Variants in RXRG observed in about 807,000 individuals in gnomAD.
RXRG encodes the protein retinoic acid receptor RXR-gamma.
In RXRG, 19 loss-of-function variants were observed where a neutral mutation model predicts 49.2. The ratio of observed to expected loss-of-function variants is 0.39; its 90% CI spans 0.27 to 0.57. The LOEUF (loss-of-function observed/expected upper bound fraction) is 0.57, where lower values mean the gene tolerates loss of function less well. Ranked by LOEUF, RXRG falls within the 20% of genes least tolerant of loss-of-function variation. The probability of loss-of-function intolerance (pLI) is 0.64; values close to 1 mark genes in which losing one functional copy is unlikely to be tolerated. For synonymous variants in RXRG, 224 were observed against 216.6 expected, an observed-to-expected ratio of 1.03 and a Z score of -0.30; for missense variants, 452 against 592.5, an observed-to-expected ratio of 0.76 and a Z score of 2.46.
intron 6 of RXRG, among the ~76,000 whole-genome samples, chr1:165,409,971 C>A: frequency 6.6e-6 from 1 of 151,326 alleles, no homozygotes. Context: ...AATCAGTCAA[C>A]AAATGTGGGT....
intron 1 of RXRG, chr1:165,436,981 G>A (rs895568945): frequency 8.0e-6 from 9 of 1,121,036 alleles, no homozygotes; most frequent in African/African-American, 3.3e-5. Flanking sequence ...TCAGAGGAAC[G>A]GGAAACAAAG....
intron 2 of RXRG, chr1:165,425,033 C>T (rs937336291): frequency 1.2e-6 from 1 of 850,332 alleles, no homozygotes; most frequent in Non-Finnish European, 1.4e-6. Context: ...CAAAGCCAAA[C>T]TTGGCCTTGG....
In RXRG at chr1:165,440,348, C is replaced by T. The variant is rs1452297963; in HGVS notation, c.49+4497G>A. 6.6e-5 allele frequency among the ~76,000 whole-genome samples: 10 copies of T among 152,222 alleles called. 1 individual carries two copies. Among genetic ancestry groups the T allele is most frequent in the Non-Finnish European group, 1.0e-4 (7 of 68,020 alleles). ...TTAAAGTGGTGTTTTAGTTATGAAACGAGTTGATACAGGTTAAGTATCTCT... is the reference window on the plus strand; with the variant it reads ...TTAAAGTGGTGTTTTAGTTATGAAATGAGTTGATACAGGTTAAGTATCTCT... On this transcript the variant is annotated intron_variant, in intron 1 of 9. Coordinates refer to ENST00000359842, the MANE Select transcript of RXRG (RefSeq NM_006917.5).
intron 7 of RXRG, among the ~76,000 whole-genome samples, chr1:165,408,537 C>A (rs1657835217): frequency 6.6e-6 from 1 of 152,104 alleles, no homozygotes; most frequent in Non-Finnish European, 1.5e-5. Flanking sequence ...GCACGATGCC[C>A]AGGAATATAA....
At chr1:165,424,424 C>T (rs543092404) in intron 2 of RXRG, among the ~76,000 whole-genome samples, 18 of 152,314 alleles carry the variant, frequency 1.2e-4, no homozygotes, top group African/African-American at 4.1e-4. Context: ...GAGCATCGCA[C>T]GTCTTGAGAA....
chr1:165,410,454 A>G (rs1190081372), intron 6 of RXRG, among the ~76,000 whole-genome samples: 2 of 152,232 alleles, frequency 1.3e-5, no homozygotes, highest in African/African-American at 4.8e-5. Flanking sequence ...ATCCTCAATA[A>G]AATGATTTAA....
intron 1 of RXRG, among the ~76,000 whole-genome samples, chr1:165,432,482 T>C (rs564838989): frequency 4.6e-5 from 7 of 152,358 alleles, no homozygotes; most frequent in African/African-American, 1.7e-4. Context: ...ACAACTTTTA[T>C]GACAAAAGTG....
rs550301469 is a variant in RXRG, at chr1:165,438,449, C to A, written c.49+6396G>T. ...ATCAACTCATTTCATAACTACAACA[C>A]CACTTTAAGGTCCGTAGTTTTATTA... is the stretch of plus-strand genomic sequence containing the variant. On this transcript the variant is annotated intron_variant, in intron 1 of 9. Coordinates refer to ENST00000359842, the MANE Select transcript of RXRG (RefSeq NM_006917.5). 3.3e-5 allele frequency among the ~76,000 whole-genome samples: 5 copies of A among 152,252 alleles called. No individual in the cohort carries two copies. In the South Asian group the frequency reaches 1.0e-3, roughly 32 times the overall value.
chr1:165,431,659 C>T (rs888705285), intron 1 of RXRG, among the ~76,000 whole-genome samples: 3 of 152,280 alleles, frequency 2.0e-5, no homozygotes, highest in East Asian at 1.9e-4. Context: ...AGAGAGACTG[C>T]GCCTTTCTAT....
chr1:165,436,145 G>A (rs568909052), intron 1 of RXRG, among the ~76,000 whole-genome samples: 1 of 152,154 alleles, frequency 6.6e-6, no homozygotes, highest in Non-Finnish European at 1.5e-5. Flanking sequence ...ACACAGAAGG[G>A]CCTGCAGATC....
intron 1 of RXRG, chr1:165,436,793 G>T: frequency 2.3e-6 from 1 of 442,126 alleles, no homozygotes; most frequent in Non-Finnish European, 3.0e-6. Context: ...ACAACCTGGA[G>T]TTCCTTGGCC....
Position 165,413,300 on chromosome 1 carries a change from C to T in RXRG, c.623-2191G>A, listed in dbSNP as rs903804207. Reference sequence around the variant, plus strand: ...CTTCTGCCTTAGGAAAGGATTTTAACCATTCATCCAACACGTGTTTATTTC... The same window carrying T: ...CTTCTGCCTTAGGAAAGGATTTTAATCATTCATCCAACACGTGTTTATTTC... On this transcript the variant is annotated intron_variant, in intron 4 of 9. Coordinates refer to ENST00000359842, the MANE Select transcript of RXRG (RefSeq NM_006917.5). Among the ~76,000 whole-genome samples, 4 of 152,288 alleles carry T rather than the reference C, an allele frequency of 2.6e-5. No homozygotes were observed. In the East Asian group the frequency reaches 5.8e-4, roughly 22 times the overall value.
At chr1:165,404,492 A>G (rs1657682873) in intron 9 of RXRG, among the ~76,000 whole-genome samples, 1 of 152,244 alleles carries the variant, frequency 6.6e-6, no homozygotes, top group Non-Finnish European at 1.5e-5. Flanking sequence ...TAAATACATT[A>G]GGATATGTTC....
intron 7 of RXRG, 62 bp downstream of exon 7, chr1:165,409,490 TATACAC>T (rs1657866364): frequency 8.6e-7 from 1 of 1,166,276 alleles, no homozygotes; most frequent in Middle Eastern, 2.1e-4. Flanking sequence ...TACACATGTG[TATACAC>T]ACACACACAC....
chr1:165,420,645 C>A (rs1374752261), intron 2 of RXRG, among the ~76,000 whole-genome samples: 7 of 152,136 alleles, frequency 4.6e-5, no homozygotes, highest in Admixed American at 3.3e-4. Flanking sequence ...CGAATACATC[C>A]CTTATTGTAA....
chr1:165,408,250 C>T lies in RXRG; in HGVS notation c.1115G>A (p.Arg372Gln), dbSNP rs1657821600. 2.5e-6 allele frequency: 4 copies of T among 1,613,820 alleles called. No individual in the cohort carries two copies. The highest frequency in any genetic ancestry group is 1.1e-5 in the South Asian group (1 of 91,078). The change falls in exon 8 of 10, where the codon CGA becomes CAA. Residue 372 changes from arginine to glutamine, a missense_variant. This residue lies in a region of RXRG where 286 missense variants were observed against 440.9 expected (regional missense o/e 0.65). Coordinates refer to ENST00000359842, the MANE Select transcript of RXRG (RefSeq NM_006917.5). ...QMDKSELGCL[R>Q]AIVLFNPDAK... ...ACCTGGGTTAAAGAGTACAATGGCT[C>T]GCAGGCATCCCAGTTCCGACTTGTC... is the stretch of plus-strand genomic sequence containing the variant.
In RXRG at chr1:165,428,882, T is replaced by C. The variant is rs766657681; in HGVS notation, c.134A>G (p.Tyr45Cys). 2.5e-6 allele frequency: 4 copies of C among 1,614,090 alleles called. No individual in the cohort carries two copies. The South Asian group carries it at 4.4e-5, about 18-fold the overall frequency. The change falls in exon 2 of 10, where the codon TAC becomes TGC. Residue 45 changes from tyrosine to cysteine, a missense_variant. Tyr to Cys is a radical substitution (Grantham distance 194). Around this residue, in one of 2 missense-constraint regions of RXRG, gnomAD observed 166 missense variants for 151.7 expected, o/e 1.09. Coordinates refer to ENST00000359842, the MANE Select transcript of RXRG (RefSeq NM_006917.5). ...TGGGGCACTCACTGGGGTATCTGTGTAGCTGGGGTGGCTGTCCATTGGCTT... is the reference window on the plus strand; with the variant it reads ...TGGGGCACTCACTGGGGTATCTGTGCAGCTGGGGTGGCTGTCCATTGGCTT... ...TGKPMDSHPS[Y>C]TDTPVSAPRT...
intron 2 of RXRG, 56 bp from the exon 3 acceptor site, chr1:165,420,070 G>T: frequency 1.4e-6 from 2 of 1,385,532 alleles, no homozygotes; most frequent in Non-Finnish European, 1.9e-6. Flanking sequence ...CAATCCCCAA[G>T]GCCTAAGGCA....
Position 165,417,505 on chromosome 1 carries a change from G to A in RXRG, c.443-285C>T, listed in dbSNP as rs572226835. ...CTTTCTTTATATTTATTTTATAAAG[G>A]CAACTCTTGGGTTTAGTTAAGCAAA... On this transcript the variant is annotated intron_variant, in intron 3 of 9. Coordinates refer to ENST00000359842, the MANE Select transcript of RXRG (RefSeq NM_006917.5). 2.7e-4 allele frequency among the ~76,000 whole-genome samples: 41 copies of A among 152,112 alleles called. No homozygotes were observed. In the South Asian group the frequency reaches 7.1e-3, roughly 26 times the overall value.
Sources: gnomAD v4.1 joint callset for allele counts (sites outside exome capture counted in the v4.1 genomes callset) on GRCh38, gnomAD v4.1.1 for gene constraint, gnomAD v4.1.1 regional missense constraint, MANE v1.5 for transcripts, NCBI Gene and HGNC (gene_info 2026-07-23, HGNC 2026-07-21) for gene names.